CD1B: variants seen among roughly 807,000 people sequenced by gnomAD.
The protein encoded by CD1B is T-cell surface glycoprotein CD1b.
In CD1B, 43 loss-of-function variants were observed where a neutral mutation model predicts 39.8. The ratio of observed to expected loss-of-function variants is 1.08; its 90% CI spans 0.85 to 1.39. The LOEUF is 1.39. Among genes scored for constraint, CD1B ranks in the 40% most tolerant of loss-of-function variants. The pLI is 0.00. For missense variants in CD1B, 495 were observed against 403.8 expected (o/e 1.23, Z -1.94); for synonymous variants, 192 against 152.5 (o/e 1.26, Z -1.91).
At chr1:158,315,125 A>T in the CD1B span, among the ~76,000 whole-genome samples, 1 of 151,924 alleles carries the variant, frequency 6.6e-6, no homozygotes, top group Admixed American at 6.6e-5. Flanking sequence ...ACACGTGTGC[A>T]TGTGTCTTTA....
chr1:158,320,623 G>T, the CD1B span, among the ~76,000 whole-genome samples: 4 of 152,128 alleles, frequency 2.6e-5, no homozygotes, highest in African/African-American at 9.7e-5. Context: ...CATCTTCTGC[G>T]TCACTCAGGC....
At chr1:158,290,990 G>A in the CD1B span, 47 of 824,120 alleles carry the variant, frequency 5.7e-5, no homozygotes, top group East Asian at 6.1e-4. Context: ...CAGAGCATGG[G>A]GCTCTGTGTA....
chr1:158,303,894 A>G, the CD1B span, among the ~76,000 whole-genome samples: 1 of 152,206 alleles, frequency 6.6e-6, no homozygotes, highest in African/African-American at 2.4e-5. Context: ...TACCAATGAC[A>G]TTTTTTCATA....
the CD1B span, chr1:158,293,276 C>A: frequency 1.1e-3 from 1,847 of 1,613,956 alleles, 19 homozygotes; most frequent in African/African-American, 0.019. Flanking sequence ...TTCTAATAGT[C>A]CTTGTGTTAT....
intron 4 of CD1B, 28 bp downstream of exon 4, chr1:158,329,342 T>G (rs1297348960): frequency 1.3e-6 from 2 of 1,596,808 alleles, no homozygotes; most frequent in Non-Finnish European, 1.7e-6. Context: ...TCCTGGCATT[T>G]CCAGCCTGGG....
chr1:158,291,243 C>G, the CD1B span: 1 of 1,614,130 alleles, frequency 6.2e-7, no homozygotes, highest in Non-Finnish European at 8.5e-7. Context: ...AGACTCATGG[C>G]TGGGACAGTG....
At chr1:158,309,696 C>T in the CD1B span, among the ~76,000 whole-genome samples, 1 of 151,836 alleles carries the variant, frequency 6.6e-6, no homozygotes. Flanking sequence ...ATGGATGAAA[C>T]TGGAAACCAC....
downstream of CD1B, among the ~76,000 whole-genome samples, chr1:158,323,136 T>A (rs1220928512): frequency 6.6e-6 from 1 of 152,148 alleles, no homozygotes; most frequent in Non-Finnish European, 1.5e-5. Context: ...AAGTATTTGC[T>A]CTTTCAATAG....
chr1:158,294,297 C>G, the CD1B span, among the ~76,000 whole-genome samples: 2 of 152,184 alleles, frequency 1.3e-5, no homozygotes, highest in South Asian at 2.1e-4. Flanking sequence ...TCTGAGATAG[C>G]CTTGGCTAAA....
the CD1B span, among the ~76,000 whole-genome samples, chr1:158,320,714 A>G: frequency 6.6e-6 from 1 of 151,388 alleles, no homozygotes; most frequent in Non-Finnish European, 1.5e-5. Context: ...TTGTGTTCCC[A>G]TTTCCATTTT....
intron 2 of CD1B, 25 bp from the exon 3 acceptor site, chr1:158,330,155 G>A: frequency 6.4e-7 from 1 of 1,560,020 alleles, no homozygotes; most frequent in Non-Finnish European, 8.6e-7. Context: ...AAGAGAGCAA[G>A]TTATTAAACA....
At chr1:158,297,530 A>G in the CD1B span, among the ~76,000 whole-genome samples, 1 of 152,342 alleles carries the variant, frequency 6.6e-6, no homozygotes, top group South Asian at 2.1e-4. Context: ...AAGGAACTAC[A>G]CAATTAAGTC....
At chr1:158,315,162 G>T in the CD1B span, among the ~76,000 whole-genome samples, 3 of 152,042 alleles carry the variant, frequency 2.0e-5, no homozygotes, top group Non-Finnish European at 2.9e-5. Flanking sequence ...AATCCTTTGG[G>T]TATATACTCA....
At chr1:158,316,524 C>G in the CD1B span, among the ~76,000 whole-genome samples, 1 of 152,004 alleles carries the variant, frequency 6.6e-6, no homozygotes, top group Admixed American at 6.5e-5. Context: ...TGAGATTTTG[C>G]TGAAGTTGCT....
At chr1:158,330,509 AG>A (rs1250907812) in intron 2 of CD1B, 9 of 589,796 alleles carry the variant, frequency 1.5e-5, no homozygotes, top group Non-Finnish European at 2.5e-5. Flanking sequence ...GGCACAGGGT[AG>A]GAGAAGTAAG....
At chr1:158,311,351 T>C in the CD1B span, among the ~76,000 whole-genome samples, 1 of 152,166 alleles carries the variant, frequency 6.6e-6, no homozygotes, top group Non-Finnish European at 1.5e-5. Context: ...AATCAGGTCT[T>C]TTGCCCTTTA....
chr1:158,320,953 T>C, the CD1B span, among the ~76,000 whole-genome samples: 1 of 152,228 alleles, frequency 6.6e-6, no homozygotes, highest in Non-Finnish European at 1.5e-5. Context: ...GAATGTTCCA[T>C]GTACTGTGGA....
At chr1:158,324,096 G>A (rs117859160), downstream of CD1B, among the ~76,000 whole-genome samples, 5 of 152,302 alleles carry the variant, frequency 3.3e-5, no homozygotes, top group East Asian at 1.9e-4. Flanking sequence ...AACATTTAAC[G>A]GACAGAAGAG....
chr1:158,315,449 G>C, the CD1B span, among the ~76,000 whole-genome samples: 1 of 151,426 alleles, frequency 6.6e-6, no homozygotes, highest in Admixed American at 6.6e-5. Context: ...GCTGCATAAA[G>C]GTCTTCTTTT....
Sources: allele counts gnomAD v4.1 joint callset (sites outside exome capture counted in the v4.1 genomes callset), GRCh38; gene constraint gnomAD v4.1.1; transcripts MANE v1.5; gene names NCBI Gene and HGNC (gene_info 2026-07-23, HGNC 2026-07-21).